SUFU: variants seen among roughly 807,000 people sequenced by gnomAD.
SUFU encodes suppressor of fused homolog.
A neutral mutation model predicts 58.9 loss-of-function variants in SUFU; 7 were observed. The observed-to-expected ratio is 0.12, with a 90% CI of 0.07 to 0.22. SUFU has a LOEUF of 0.22. Ranked by LOEUF, SUFU falls within the 10% of genes least tolerant of loss-of-function variation. The pLI, the probability that SUFU is intolerant of heterozygous loss-of-function variation, is 1.00. For synonymous variants in SUFU, 232 were observed against 254.8 expected, an observed-to-expected ratio of 0.91 and a Z score of 0.85; for missense variants, 451 against 641.3, an observed-to-expected ratio of 0.70 and a Z score of 3.20.
At chr10:102,503,433 C>T (rs2062275730), upstream of SUFU, among the ~76,000 whole-genome samples, 1 of 152,056 alleles carries the variant, frequency 6.6e-6, no homozygotes, top group Non-Finnish European at 1.5e-5. Flanking sequence ...ATTTTCATAA[C>T]GAGCTAGAAT....
chr10:102,573,569 CAA>C (rs2063184152), intron 3 of SUFU, among the ~76,000 whole-genome samples: 1 of 152,142 alleles, frequency 6.6e-6, no homozygotes. Context: ...GGAAGTAACT[CAA>C]GTGTCCATCA....
intron 2 of SUFU, among the ~76,000 whole-genome samples, chr10:102,530,305 G>A (rs1303568952): frequency 2.0e-5 from 3 of 152,080 alleles, no homozygotes; most frequent in African/African-American, 7.2e-5. Context: ...AAGATCGTGA[G>A]ACTAAGAATG....
chr10:102,563,229 T>G (rs1484512358), intron 3 of SUFU, among the ~76,000 whole-genome samples: 1 of 152,160 alleles, frequency 6.6e-6, no homozygotes, highest in Non-Finnish European at 1.5e-5. Flanking sequence ...AGAGGCTCTG[T>G]CAAATGCTAG....
intron 3 of SUFU, among the ~76,000 whole-genome samples, chr10:102,551,493 C>A (rs2062914337): frequency 6.6e-6 from 1 of 151,748 alleles, no homozygotes; most frequent in Admixed American, 6.6e-5. Context: ...CAAAAATTAG[C>A]CAGGCATGGT....
chr10:102,536,240 C>T (rs1210622526), intron 2 of SUFU, among the ~76,000 whole-genome samples: 2 of 151,748 alleles, frequency 1.3e-5, no homozygotes, highest in Non-Finnish European at 2.9e-5. Context: ...GCTGGGATTA[C>T]AGGCGTGAGC....
chr10:102,551,717 CTTTTTT>C (rs771685480), intron 3 of SUFU, among the ~76,000 whole-genome samples: 1 of 68,714 alleles, frequency 1.5e-5, no homozygotes, highest in Non-Finnish European at 2.6e-5. Flanking sequence ...TATGTGCCTT[CTTTTTT>C]TTTTTTTTTT....
chr10:102,551,801 T>C (rs373573987), intron 3 of SUFU, among the ~76,000 whole-genome samples: 17 of 130,754 alleles, frequency 1.3e-4, no homozygotes, highest in Middle Eastern at 8.6e-3. Context: ...CTCGGCTCAC[T>C]ACAAGCTCCG....
At chr10:102,568,895 AAAAT>A (rs2063124846) in intron 3 of SUFU, among the ~76,000 whole-genome samples, 4 of 23,854 alleles carry the variant, frequency 1.7e-4, no homozygotes, top group African/African-American at 4.8e-4. Flanking sequence ...AAAAAAAAAA[AAAAT>A]ATATATATAT....
chr10:102,551,607 C>A (rs2135747213), intron 3 of SUFU, among the ~76,000 whole-genome samples: 1 of 149,938 alleles, frequency 6.7e-6, no homozygotes, highest in African/African-American at 2.5e-5. Flanking sequence ...CACTGTACTC[C>A]AGCCTGGGCA....
chr10:102,578,822 G>T (rs555756519), intron 3 of SUFU, among the ~76,000 whole-genome samples: 2 of 151,982 alleles, frequency 1.3e-5, no homozygotes, highest in South Asian at 4.2e-4. Flanking sequence ...AGTGAGCTGA[G>T]ATGGCACCAC....
At chr10:102,614,147 G>A (rs4604806) in intron 8 of SUFU, among the ~76,000 whole-genome samples, 68,954 of 152,026 alleles carry the variant, frequency 0.45, 16,048 homozygotes, top group East Asian at 0.68. Flanking sequence ...TCTTGGAGCC[G>A]CATCTCATGG....
chr10:102,613,718 A>G (rs1197528449), intron 8 of SUFU, among the ~76,000 whole-genome samples: 2 of 152,198 alleles, frequency 1.3e-5, no homozygotes, highest in African/African-American at 4.8e-5. Context: ...TTTGAATGGG[A>G]TCAGTGGGTA....
intron 2 of SUFU, among the ~76,000 whole-genome samples, chr10:102,526,735 G>T (rs576721231): frequency 6.6e-6 from 1 of 151,986 alleles, no homozygotes; most frequent in Non-Finnish European, 1.5e-5. Flanking sequence ...CAACTCTAGG[G>T]CCACCGTTCA....
intron 6 of SUFU, among the ~76,000 whole-genome samples, chr10:102,595,456 TTG>T (rs2063451248): frequency 3.3e-5 from 5 of 152,248 alleles, no homozygotes; most frequent in Admixed American, 2.6e-4. Flanking sequence ...CCCTAAGCCC[TTG>T]TTCTGTAGCC....
intron 3 of SUFU, among the ~76,000 whole-genome samples, chr10:102,574,979 C>G (rs956390460): frequency 3.9e-5 from 6 of 151,998 alleles, no homozygotes. Context: ...TCACTTGAAC[C>G]CGGGAGGCGG....
chr10:102,621,693 CA>C (rs2063741472), intron 10 of SUFU, among the ~76,000 whole-genome samples: 1 of 152,178 alleles, frequency 6.6e-6, no homozygotes, highest in Non-Finnish European at 1.5e-5. Context: ...CCACTGTAAA[CA>C]ACACATTTCC....
At position 102,619,121 on chromosome 10, in the gene SUFU, G is replaced by A. The variant is rs1170070975; in HGVS notation, c.1296+1693G>A. 6.2e-7 allele frequency: 1 copy of A among 1,612,662 alleles called. No homozygotes were observed. The highest frequency in any genetic ancestry group is 8.5e-7 in the Non-Finnish European group (1 of 1,179,832). On this transcript the variant is annotated intron_variant, in intron 10 of 11. Transcript: ENST00000369902. The surrounding 1 kb of genome is among the most constrained non-coding windows in gnomAD (Gnocchi z 4.2). ...CCGTCCTGGAACGTCTTTCTGCCCT[G>A]AGGAGAGGGTAGTCAGCATCTCCAA...
chr10:102,622,631 TGTTTGTCTGCTGTTAAACAGCAGACAA>T, intron 10 of SUFU, among the ~76,000 whole-genome samples: 1 of 151,486 alleles, frequency 6.6e-6, no homozygotes, highest in East Asian at 2.0e-4. Context: ...AGTCCCAGCT[TGTTTGTCTGCTGTTAAACAGCAGACAA>T]AACTCCAGCC....
At chr10:102,579,774 G>C (rs1289690789) in intron 3 of SUFU, 2 of 974,874 alleles carry the variant, frequency 2.1e-6, no homozygotes, top group South Asian at 4.7e-5. Flanking sequence ...ATATCAGACA[G>C]AGCTAGCTGA....
Sources: gnomAD v4.1 joint callset for allele counts (sites outside exome capture counted in the v4.1 genomes callset) on GRCh38, gnomAD v4.1.1 for gene constraint, Gnocchi (gnomAD v3.1) non-coding constraint, MANE v1.5 for transcripts, NCBI Gene and HGNC (gene_info 2026-07-23, HGNC 2026-07-21) for gene names.